Variants in CHD1L observed in about 807,000 individuals in gnomAD.
CHD1L encodes chromodomain helicase DNA binding protein 1 like, also known as ATP-dependent chromatin remodeler CHD1L.
Under a neutral mutation model 115.9 loss-of-function variants are expected in CHD1L, and 118 were observed. The observed-to-expected ratio is 1.02, with a 90% confidence interval of 0.88 to 1.19. The LOEUF (loss-of-function observed/expected upper bound fraction) is 1.19, where lower values mean the gene tolerates loss of function less well. Ranked by LOEUF, CHD1L falls within the 50% of genes most tolerant of loss-of-function variation. CHD1L has a pLI of 0.00. For synonymous variants in CHD1L, 411 were observed against 387.1 expected (o/e 1.06, Z -0.72); for missense variants, 1,179 against 1,065.3 (o/e 1.11, Z -1.49).
chr1:147,190,537 T>C, the CHD1L span, among the ~76,000 whole-genome samples: 1 of 152,076 alleles, frequency 6.6e-6, no homozygotes, highest in Admixed American at 6.5e-5. Flanking sequence ...AAATGAAATA[T>C]GGACATGAGA....
At chr1:147,284,276 G>T in intron 15 of CHD1L, 75 bp from the exon 16 acceptor site, 1 of 1,224,724 alleles carries the variant, frequency 8.2e-7, no homozygotes, top group Non-Finnish European at 1.1e-6. Flanking sequence ...GTCCACTTTT[G>T]TTATTGATTT....
chr1:147,248,807 A>G (rs1192146049), intron 1 of CHD1L, among the ~76,000 whole-genome samples: 1 of 152,184 alleles, frequency 6.6e-6, no homozygotes, highest in Non-Finnish European at 1.5e-5. Flanking sequence ...TTATTTGAGT[A>G]AAGTATGGAA....
the CHD1L span, among the ~76,000 whole-genome samples, chr1:147,226,452 T>C: frequency 7.2e-5 from 11 of 152,314 alleles, no homozygotes; most frequent in African/African-American, 2.6e-4. Context: ...TTTTTAATAG[T>C]GCTTTCACAC....
intron 12 of CHD1L, among the ~76,000 whole-genome samples, chr1:147,273,650 T>C (rs1553955088): frequency 6.6e-6 from 1 of 152,188 alleles, no homozygotes; most frequent in Non-Finnish European, 1.5e-5. Flanking sequence ...TTTAATGATT[T>C]CATCATCCTC....
chr1:147,226,623 G>C, the CHD1L span, among the ~76,000 whole-genome samples: 20,858 of 152,038 alleles, frequency 0.14, 1,874 homozygotes, highest in East Asian at 0.42. Context: ...AGATGTGAGG[G>C]GTTGTAAGAG....
At chr1:147,208,925 C>T in the CHD1L span, 254 of 1,613,998 alleles carry the variant, frequency 1.6e-4, 1 homozygote, top group Non-Finnish European at 2.0e-4. Context: ...TATTTGTTTG[C>T]TAATGATTGG....
intron 3 of CHD1L, among the ~76,000 whole-genome samples, chr1:147,255,556 C>T (rs1346806493): frequency 1.3e-5 from 2 of 151,748 alleles, no homozygotes; most frequent in East Asian, 3.9e-4. Flanking sequence ...GGAAGTAACT[C>T]ATGTGGAAGA....
the CHD1L span, among the ~76,000 whole-genome samples, chr1:147,234,894 G>A: frequency 6.6e-6 from 1 of 152,158 alleles, no homozygotes; most frequent in Non-Finnish European, 1.5e-5. Flanking sequence ...TTATATACTA[G>A]GGTAAATCAC....
intron 10 of CHD1L, among the ~76,000 whole-genome samples, chr1:147,269,958 G>A (rs781835239): frequency 1.3e-5 from 2 of 152,192 alleles, no homozygotes; most frequent in Non-Finnish European, 2.9e-5. Flanking sequence ...CCATAAGTAT[G>A]TTAGAGTTGG....
chr1:147,216,330 T>A, the CHD1L span, among the ~76,000 whole-genome samples: 2 of 152,290 alleles, frequency 1.3e-5, no homozygotes, highest in South Asian at 4.1e-4. Context: ...AGAAAATATA[T>A]GGCCAGTCCC....
intron 8 of CHD1L, among the ~76,000 whole-genome samples, chr1:147,266,746 C>G (rs587754217): frequency 5.2e-4 from 79 of 151,898 alleles, no homozygotes; most frequent in African/African-American, 1.9e-3. Context: ...TTCCTTTAAG[C>G]AAAAAAGGTT....
At chr1:147,224,838 T>G in the CHD1L span, 1 of 1,543,156 alleles carries the variant, frequency 6.5e-7, no homozygotes, top group Non-Finnish European at 9.0e-7. Context: ...TAAACTGTCG[T>G]ATGCACCTAG....
the CHD1L span, chr1:147,173,027 G>T: frequency 6.6e-6 from 1 of 152,592 alleles, no homozygotes; most frequent in Non-Finnish European, 1.5e-5. Context: ...TTCTGACCGG[G>T]CGCAGTGGCT....
intron 20 of CHD1L, among the ~76,000 whole-genome samples, chr1:147,291,937 G>C (rs1685701898): frequency 6.6e-6 from 1 of 151,854 alleles, no homozygotes; most frequent in African/African-American, 2.4e-5. Flanking sequence ...TAAAGACTCT[G>C]TCTCTAAATA....
chr1:147,216,511 A>G, the CHD1L span, among the ~76,000 whole-genome samples: 3 of 152,254 alleles, frequency 2.0e-5, no homozygotes, highest in African/African-American at 7.2e-5. Context: ...TAACATCTCC[A>G]GCGTTTTCTG....
chr1:147,224,071 G>C, the CHD1L span: 1 of 371,236 alleles, frequency 2.7e-6, no homozygotes, highest in African/African-American at 2.1e-5. Flanking sequence ...TGCCTGCCCT[G>C]TGTCCCAAAA....
intron 19 of CHD1L, among the ~76,000 whole-genome samples, chr1:147,289,510 C>T (rs1250105150): frequency 6.6e-6 from 1 of 152,096 alleles, no homozygotes; most frequent in African/African-American, 2.4e-5. Flanking sequence ...GAGTGGGAAG[C>T]TCAGACTTAA....
chr1:147,287,755 A>AAGGTT, intron 19 of CHD1L, 22 bp downstream of exon 19: 1 of 1,601,128 alleles, frequency 6.2e-7, no homozygotes, highest in Non-Finnish European at 8.5e-7. Context: ...AGCAGAGGGA[A>AAGGTT]AGGTTAAGGG....
At chr1:147,232,281 T>C in the CHD1L span, among the ~76,000 whole-genome samples, 2 of 152,216 alleles carry the variant, frequency 1.3e-5, no homozygotes, top group African/African-American at 2.4e-5. Context: ...GAGTCATTTC[T>C]AGCACAGTGT....
Sources: allele counts gnomAD v4.1 joint callset (sites outside exome capture counted in the v4.1 genomes callset), GRCh38; gene constraint gnomAD v4.1.1; transcripts MANE v1.5; gene names NCBI Gene and HGNC (gene_info 2026-07-23, HGNC 2026-07-21).